The following TRPC4 variants were observed in gnomAD, a reference collection of about 807,000 sequenced individuals.
The protein encoded by TRPC4 is transient receptor potential cation channel subfamily C member 4, also known as short transient receptor potential channel 4.
Under a neutral mutation model 99.4 loss-of-function variants are expected in TRPC4, and 49 were observed. The ratio of observed to expected loss-of-function variants is 0.49; its 90% CI spans 0.39 to 0.63. TRPC4 has a LOEUF of 0.63. TRPC4 is among the 20% of genes least tolerant of loss of function. TRPC4 has a pLI of 0.00. For synonymous variants in TRPC4, 454 were observed against 425.9 expected, an observed-to-expected ratio of 1.07 and a Z score of -0.81; for missense variants, 898 against 1,152.9, an observed-to-expected ratio of 0.78 and a Z score of 3.20.
intron 9 of TRPC4, 24 bp from the exon 10 acceptor site, chr13:37,639,153 A>G: frequency 6.2e-7 from 1 of 1,613,428 alleles, no homozygotes; most frequent in Non-Finnish European, 8.5e-7. Context: ...GAACAAGAGT[A>G]TTGATACTCA....
chr13:37,666,527 C>G (rs543232438), intron 5 of TRPC4, among the ~76,000 whole-genome samples: 15 of 152,236 alleles, frequency 9.9e-5, no homozygotes, highest in Non-Finnish European at 2.1e-4. Context: ...TAGATATTTT[C>G]TTAAGTTTTT....
At chr13:37,835,077 G>A (rs1461553217) in intron 1 of TRPC4, among the ~76,000 whole-genome samples, 2 of 150,520 alleles carry the variant, frequency 1.3e-5, no homozygotes, top group Non-Finnish European at 3.0e-5. Context: ...CCTGCATATT[G>A]TCGATGGAAG....
Position 37,747,596 on chromosome 13 carries a change from A to G in TRPC4, c.379-1141T>C, listed in dbSNP as rs186722073. 3.3e-5 allele frequency among the ~76,000 whole-genome samples: 5 copies of G among 152,220 alleles called. No individual in the cohort carries two copies. The East Asian group carries it at 9.7e-4, about 30-fold the overall frequency. On this transcript the variant is annotated intron_variant, in intron 2 of 10. Transcript: ENST00000379705. ...CACAAAAGGATCAGAGGAAAACCATATGGAGAAAAACGACACTCATGATGA... is the reference window on the plus strand; with the variant it reads ...CACAAAAGGATCAGAGGAAAACCATGTGGAGAAAAACGACACTCATGATGA...
intron 1 of TRPC4, among the ~76,000 whole-genome samples, chr13:37,824,096 T>A (rs1593263581): frequency 6.7e-6 from 1 of 149,078 alleles, no homozygotes; most frequent in East Asian, 2.0e-4. Context: ...TGTATAAGAA[T>A]GCTTGTGATT....
chr13:37,775,094 C>T (rs1593713155), intron 2 of TRPC4, among the ~76,000 whole-genome samples: 2 of 151,728 alleles, frequency 1.3e-5, no homozygotes, highest in Admixed American at 1.3e-4. Context: ...TTCGACAAAA[C>T]CCACGTATGA....
rs571281086 is a variant in TRPC4 at position 37,690,144 on chromosome 13, A to T, written c.1234+1855T>A. ...CTCTTCTGTAAGAATTGTTCCAAAG[A>T]CATTTTCTAAGAAGAAAATTCCTTT... On this transcript the variant is annotated intron_variant, in intron 4 of 10. Transcript: ENST00000379705. Among the ~76,000 whole-genome samples the T allele has an allele frequency of 2.0e-5, 3 of 152,352 alleles. No individual in the cohort carries two copies. The South Asian group carries it at 6.2e-4, about 32-fold the overall frequency.
intron 3 of TRPC4, among the ~76,000 whole-genome samples, chr13:37,713,141 A>G (rs1279082896): frequency 1.3e-5 from 2 of 152,196 alleles, no homozygotes; most frequent in East Asian, 3.9e-4. Flanking sequence ...CAAAACTAGC[A>G]GCAGAAGCAG....
In TRPC4 at chr13:37,632,191, C is replaced by T. The variant is rs1216721469; in HGVS notation, c.*4712G>A. 6.6e-6 allele frequency among the ~76,000 whole-genome samples: 1 copy of T among 152,148 alleles called. No individual in the cohort carries two copies. The highest frequency in any genetic ancestry group is 2.4e-5 in the African/African-American group (1 of 41,448). ...CTGACTGAAACAAATACAAATGTTC[C>T]TGAGCAGCACTGTCCAATAGAAATG... On this transcript the variant is annotated 3_prime_UTR_variant, in exon 11 of 11. Transcript: ENST00000379705.
At chr13:37,777,651 A>G (rs1593718921) in intron 2 of TRPC4, among the ~76,000 whole-genome samples, 2 of 152,154 alleles carry the variant, frequency 1.3e-5, no homozygotes, top group South Asian at 4.1e-4. Flanking sequence ...ATCTTTTCAC[A>G]TATTTGTGTT....
chr13:37,768,496 T>A (rs61955546), intron 2 of TRPC4, among the ~76,000 whole-genome samples: 15 of 142,104 alleles, frequency 1.1e-4, no homozygotes, highest in Non-Finnish European at 2.3e-4. Flanking sequence ...TGAACTGATG[T>A]TGATAAATTC....
intron 6 of TRPC4, among the ~76,000 whole-genome samples, chr13:37,660,942 T>TTTAAGCCTAG (rs1952417067): frequency 6.6e-6 from 1 of 152,180 alleles, no homozygotes; most frequent in African/African-American, 2.4e-5. Context: ...AAGAGACAGG[T>TTTAAGCCTAG]GACTTAAGCC....
At chr13:37,720,010 A>G (rs2139028902) in intron 3 of TRPC4, among the ~76,000 whole-genome samples, 1 of 152,138 alleles carries the variant, frequency 6.6e-6, no homozygotes, top group African/African-American at 2.4e-5. Flanking sequence ...AGAAGGAGGC[A>G]GCAGGAGGCT....
chr13:37,757,171 T>A (rs1034370132), intron 2 of TRPC4, among the ~76,000 whole-genome samples: 1 of 152,074 alleles, frequency 6.6e-6, no homozygotes, highest in Non-Finnish European at 1.5e-5. Flanking sequence ...TAGACTACTT[T>A]TGAAATAATA....
chr13:37,746,492 T>A (rs1955785951), intron 2 of TRPC4, 37 bp from the exon 3 acceptor site: 1 of 1,553,746 alleles, frequency 6.4e-7, no homozygotes, highest in Non-Finnish European at 8.6e-7. Flanking sequence ...GAATATTTAT[T>A]CTTTTGTTCA....
At chr13:37,777,361 G>A (rs933511473) in intron 2 of TRPC4, among the ~76,000 whole-genome samples, 30 of 151,824 alleles carry the variant, frequency 2.0e-4, no homozygotes, top group African/African-American at 5.8e-4. Context: ...ACACGGCAGC[G>A]GGAGAGAGAA....
At chr13:37,847,671 A>T (rs1014094092) in intron 1 of TRPC4, among the ~76,000 whole-genome samples, 1 of 152,048 alleles carries the variant, frequency 6.6e-6, no homozygotes, top group Non-Finnish European at 1.5e-5. Context: ...AAATAAAATA[A>T]ATATTTAAAA....
chr13:37,833,201 C>A (rs1958469893), intron 1 of TRPC4, among the ~76,000 whole-genome samples: 1 of 151,996 alleles, frequency 6.6e-6, no homozygotes, highest in Admixed American at 6.6e-5. Flanking sequence ...TTCTTCATCT[C>A]CTATTTTATT....
At chr13:37,828,993 G>C (rs1003626349) in intron 1 of TRPC4, among the ~76,000 whole-genome samples, 2 of 152,060 alleles carry the variant, frequency 1.3e-5, no homozygotes, top group Non-Finnish European at 2.9e-5. Flanking sequence ...AATTTAAAAA[G>C]AGCTAAAAAC....
chr13:37,711,255 A>G (rs1593563005), intron 3 of TRPC4, among the ~76,000 whole-genome samples: 1 of 152,120 alleles, frequency 6.6e-6, no homozygotes, highest in East Asian at 1.9e-4. Context: ...TATTCCATGA[A>G]TTATTTTAAC....
Sources: allele counts gnomAD v4.1 joint callset (sites outside exome capture counted in the v4.1 genomes callset), GRCh38; gene constraint gnomAD v4.1.1; transcripts MANE v1.5; gene names NCBI Gene and HGNC (gene_info 2026-07-23, HGNC 2026-07-21).